Variants in PEAK1 observed in about 807,000 individuals in gnomAD.
The protein encoded by PEAK1 is pseudopodium enriched atypical kinase 1.
In PEAK1, 54 loss-of-function variants were observed where a neutral mutation model predicts 124.7. The observed-to-expected ratio is 0.43, with a 90% confidence interval of 0.35 to 0.54. PEAK1 has a LOEUF of 0.54. Ranked by LOEUF, PEAK1 falls within the 20% of genes least tolerant of loss-of-function variation. The probability of loss-of-function intolerance (pLI) is 0.01; values close to 1 mark genes in which losing one functional copy is unlikely to be tolerated. For missense variants in PEAK1, 2,046 were observed against 2,134.5 expected (o/e 0.96, Z 0.82); for synonymous variants, 719 against 760.0 (o/e 0.95, Z 0.89).
intron 9 of PEAK1, among the ~76,000 whole-genome samples, chr15:77,123,037 G>T (rs946977688): frequency 2.0e-5 from 3 of 152,142 alleles, no homozygotes; most frequent in African/African-American, 7.2e-5. Flanking sequence ...ATTATTACAA[G>T]CTTTTAACAA....
chr15:77,302,062 T>A (rs1382493412), intron 2 of PEAK1, among the ~76,000 whole-genome samples: 3 of 152,086 alleles, frequency 2.0e-5, no homozygotes, highest in Non-Finnish European at 4.4e-5. Flanking sequence ...TTTTTTTGAG[T>A]ACTTTCTTAT....
At chr15:77,324,613 G>A (rs1055881636) in intron 2 of PEAK1, among the ~76,000 whole-genome samples, 24 of 152,158 alleles carry the variant, frequency 1.6e-4, no homozygotes, top group African/African-American at 5.6e-4. Flanking sequence ...GGCTATACAG[G>A]AAGCACAGCA....
chr15:77,359,002 C>A (rs575310411), intron 2 of PEAK1, among the ~76,000 whole-genome samples: 69 of 152,308 alleles, frequency 4.5e-4, no homozygotes, highest in African/African-American at 1.5e-3. Flanking sequence ...TAAGCGTTAT[C>A]TCATATACTT....
rs191875071 is a variant in PEAK1, at chr15:77,347,218, C to T, written c.-603+17945G>A. The T allele has an allele frequency of 9.7e-4, 950 of 983,418 alleles. 7 individuals carry two copies. The African/African-American group carries it at 0.012, about 13-fold the overall frequency. 60.9% of individuals were successfully genotyped at this position (983,418 alleles called of 1,614,324 possible). A position where few individuals can be genotyped will look rare whatever the true frequency, so the allele number is the denominator to read the frequency against. ...AAGATAAGATCTCTTCAAAGTGCCA[C>T]GGCCATTTCAAAGTTATCTGCTGAG... is the stretch of plus-strand genomic sequence containing the variant. On this transcript the variant is annotated intron_variant, in intron 2 of 9. Coordinates refer to ENST00000682557, the MANE Select transcript of PEAK1 (RefSeq NM_001385026.1).
At chr15:77,331,728 T>C (rs1245284214) in intron 2 of PEAK1, among the ~76,000 whole-genome samples, 1 of 151,816 alleles carries the variant, frequency 6.6e-6, no homozygotes, top group Non-Finnish European at 1.5e-5. Context: ...GCAATTCTCC[T>C]GCCTCAGCCT....
Position 77,315,125 on chromosome 15 carries a change from A to C in PEAK1, c.-602-28621T>G, listed in dbSNP as rs528957338. Among the ~76,000 whole-genome samples the C allele has an allele frequency of 3.9e-5, 6 of 152,356 alleles. No individual in the cohort carries two copies. In the East Asian group the frequency reaches 1.2e-3, roughly 29 times the overall value. On this transcript the variant is annotated intron_variant, in intron 2 of 9. Transcript: ENST00000682557. Reference sequence around the variant, plus strand: ...ATGGGACAAAATTTGTACTAATAGCAAGAATTATTTTGTGTCTCATTTAGA... The same window carrying C: ...ATGGGACAAAATTTGTACTAATAGCCAGAATTATTTTGTGTCTCATTTAGA...
Position 77,404,197 on chromosome 15 carries a change from G to T in PEAK1, c.-666+15809C>A, listed in dbSNP as rs1450207727. The T allele has an allele frequency of 3.0e-6, 3 of 985,272 alleles. No individual in the cohort carries two copies. The African/African-American group carries it at 5.2e-5, about 17-fold the overall frequency. 61.0% of individuals were successfully genotyped at this position (985,272 alleles called of 1,614,324 possible). On this transcript the variant is annotated intron_variant, in intron 1 of 9. Coordinates refer to ENST00000682557, the MANE Select transcript of PEAK1 (RefSeq NM_001385026.1). ...TATTGAGGCAAAGGTTTAACATCTT[G>T]TGAGACACCAAAGTGAGTGTTCAGG...
intron 2 of PEAK1, among the ~76,000 whole-genome samples, chr15:77,300,082 C>T (rs1381305112): frequency 1.3e-5 from 2 of 152,222 alleles, no homozygotes; most frequent in African/African-American, 2.4e-5. Flanking sequence ...TATGCTTTCC[C>T]TGTCCCAGCC....
At chr15:77,319,177 G>A in intron 2 of PEAK1, among the ~76,000 whole-genome samples, 1 of 151,688 alleles carries the variant, frequency 6.6e-6, no homozygotes, top group East Asian at 1.9e-4. Flanking sequence ...AGAAAAGGTG[G>A]ATAAATTATT....
At chr15:77,369,383 G>GA (rs1040938234) in intron 1 of PEAK1, among the ~76,000 whole-genome samples, 69 of 152,238 alleles carry the variant, frequency 4.5e-4, no homozygotes, top group Middle Eastern at 3.4e-3. Context: ...AGTCGTCACT[G>GA]AAAATACAGA....
At chr15:77,127,539 T>C (rs1360842433) in intron 9 of PEAK1, among the ~76,000 whole-genome samples, 6 of 152,250 alleles carry the variant, frequency 3.9e-5, no homozygotes, top group African/African-American at 9.6e-5. Context: ...AGGAACATTA[T>C]TGGAAACTGG....
chr15:77,139,928 G>T (rs370967560), intron 8 of PEAK1, among the ~76,000 whole-genome samples: 1 of 151,892 alleles, frequency 6.6e-6, no homozygotes, highest in Non-Finnish European at 1.5e-5. Flanking sequence ...GCTTCAAGGC[G>T]GCCAGAGCTT....
At chr15:77,392,854 T>C (rs887874458) in intron 1 of PEAK1, among the ~76,000 whole-genome samples, 2 of 152,130 alleles carry the variant, frequency 1.3e-5, no homozygotes, top group African/African-American at 4.8e-5. Flanking sequence ...TTCATATCAC[T>C]GAAAGAGGCA....
Position 77,388,964 on chromosome 15 carries a change from T to A in PEAK1, c.-665-23739A>T, listed in dbSNP as rs116769778. The stretch of plus-strand genomic sequence containing the variant: ...CCTGTCTACCTTCTTTTGCTTATTT[T>A]TTTTTTTTTTTTTTTGGAGATAGGG... On this transcript the variant is annotated intron_variant, in intron 1 of 9. Transcript: ENST00000682557. 5.8e-3 allele frequency among the ~76,000 whole-genome samples: 857 copies of A among 147,834 alleles called. 11 individuals carry two copies. Among genetic ancestry groups the A allele is most frequent in the African/African-American group, 0.021 (804 of 38,968 alleles).
At chr15:77,275,351 A>G (rs1012973395) in intron 5 of PEAK1, among the ~76,000 whole-genome samples, 1 of 152,198 alleles carries the variant, frequency 6.6e-6, no homozygotes, top group South Asian at 2.1e-4. Context: ...AAATATGTAC[A>G]TCTTGGTAAC....
rs146819996 is a variant in PEAK1, at chr15:77,143,089, G to C, written c.3332-9339C>G. On this transcript the variant is annotated intron_variant, in intron 8 of 9. Transcript: ENST00000682557. ...CTCTGTGCCCTTAACTAAGGATGTA[G>C]GGGCTTGGCATTTACTGAATGTTTC... Among the ~76,000 whole-genome samples, 362 of 152,268 alleles carry C rather than the reference G, an allele frequency of 2.4e-3. 2 individuals are homozygous for C. The highest frequency in any genetic ancestry group is 8.1e-3 in the African/African-American group (335 of 41,546).
intron 2 of PEAK1, among the ~76,000 whole-genome samples, chr15:77,297,779 C>T (rs570300969): frequency 8.7e-6 from 1 of 114,836 alleles, no homozygotes; most frequent in South Asian, 2.9e-4. Flanking sequence ...AAAAAAAAGG[C>T]CGGGTGCGGT....
chr15:77,145,017 G>T (rs575870847), intron 8 of PEAK1, among the ~76,000 whole-genome samples: 11 of 152,306 alleles, frequency 7.2e-5, no homozygotes, highest in Non-Finnish European at 1.6e-4. Flanking sequence ...GAAAAAAATA[G>T]ATTGTGTTCT....
intron 5 of PEAK1, among the ~76,000 whole-genome samples, chr15:77,266,951 C>G (rs769562095): frequency 6.7e-6 from 1 of 150,316 alleles, no homozygotes; most frequent in African/African-American, 2.5e-5. Flanking sequence ...GCCCTCCTCA[C>G]TGGTTGCCTG....
Sources: allele counts gnomAD v4.1 joint callset (sites outside exome capture counted in the v4.1 genomes callset), GRCh38; gene constraint gnomAD v4.1.1; transcripts MANE v1.5; gene names NCBI Gene and HGNC (gene_info 2026-07-23, HGNC 2026-07-21).